Variants in RBM20 observed in about 807,000 individuals in gnomAD.
RBM20 encodes RNA-binding protein 20.
In RBM20, 51 loss-of-function variants were observed where a neutral mutation model predicts 110.1. That is an observed-to-expected ratio of 0.46 (90% CI 0.37 to 0.59). The LOEUF (loss-of-function observed/expected upper bound fraction) is 0.59. Ranked by LOEUF, RBM20 falls within the 20% of genes least tolerant of loss-of-function variation. RBM20 has a pLI of 0.00. For synonymous variants in RBM20, 589 were observed against 618.2 expected, an observed-to-expected ratio of 0.95 and a Z score of 0.70; for missense variants, 1,512 against 1,574.9, an observed-to-expected ratio of 0.96 and a Z score of 0.68.
chr10:110,765,731 T>A (rs1456503550), intron 1 of RBM20, among the ~76,000 whole-genome samples: 2 of 152,172 alleles, frequency 1.3e-5, no homozygotes, highest in East Asian at 1.9e-4. Context: ...TCCATACTCA[T>A]AAAACGGCAT....
chr10:110,826,138 G>A (rs557297966), intron 12 of RBM20, among the ~76,000 whole-genome samples: 3 of 152,220 alleles, frequency 2.0e-5, no homozygotes, highest in South Asian at 2.1e-4. Context: ...TTTTCCCTGC[G>A]ACCTTGAGTG....
chr10:110,739,636 C>T lies in RBM20; in HGVS notation c.192-41165C>T, dbSNP rs1843705062. Among the ~76,000 whole-genome samples, 1 of 152,148 alleles carries T rather than the reference C, an allele frequency of 6.6e-6. No homozygotes were observed. The highest frequency in any genetic ancestry group is 6.5e-5 in the Admixed American group (1 of 15,274). On this transcript the variant is annotated intron_variant, in intron 1 of 13. Transcript: ENST00000369519. This position sits in a 1 kb window ranked among gnomAD's most constrained non-coding sequence, Gnocchi z 4.1. Reference sequence around the variant, plus strand: ...GACGTGGTGGTGGAAGGCAGAGTGGCAGGGGAAAGAGCACCAGCATCAATG... The same window carrying T: ...GACGTGGTGGTGGAAGGCAGAGTGGTAGGGGAAAGAGCACCAGCATCAATG...
chr10:110,830,650 C>A (rs1480419895), intron 12 of RBM20, among the ~76,000 whole-genome samples: 2 of 152,042 alleles, frequency 1.3e-5, no homozygotes, highest in African/African-American at 2.4e-5. Flanking sequence ...CGAGAGAATT[C>A]TTCGAGAGTC....
chr10:110,789,020 T>C (rs950745697), intron 5 of RBM20, among the ~76,000 whole-genome samples: 6 of 152,252 alleles, frequency 3.9e-5, no homozygotes, highest in Non-Finnish European at 7.3e-5. Flanking sequence ...GATCCCATTT[T>C]CCTCCACAAG....
At position 110,745,047 on chromosome 10, in the gene RBM20, C is replaced by T. The variant is rs561739482; in HGVS notation, c.192-35754C>T. Among the ~76,000 whole-genome samples the T allele has an allele frequency of 3.3e-4, 51 of 152,340 alleles. 1 individual carries two copies. In the South Asian group the frequency reaches 1.0e-2, roughly 30 times the overall value. On this transcript the variant is annotated intron_variant, in intron 1 of 13. Coordinates refer to ENST00000369519, the MANE Select transcript of RBM20 (RefSeq NM_001134363.3). ...CTTTCTTATGCACTGTCACTCTCCT[C>T]GTGGTTACTGTTGTTTGGGTCAATG...
In RBM20 at chr10:110,835,910, G is replaced by A. The variant is rs757389650; in HGVS notation, c.3616G>A (p.Glu1206Lys). 64 of 1,540,606 alleles carry A rather than the reference G, an allele frequency of 4.2e-5. No homozygotes were observed. The highest frequency in any genetic ancestry group is 1.9e-4 in the African/African-American group (14 of 72,748). Residue 1206 changes from glutamate to lysine, a missense_variant, in exon 14 of 14, where the codon GAG becomes AAG. By Grantham distance (56) the Glu-to-Lys change is moderately conservative. Transcript: ENST00000369519. ...GGCCGAGGAGGGCCTCAAGGAGACC[G>A]AGGGGGCAGATAGCCCGAGGCCAGA... is the stretch of plus-strand genomic sequence containing the variant. The part of the protein sequence containing the change: ...QLAEEGLKET[E>K]GADSPRPEDS...
Position 110,821,888 on chromosome 10 carries a change from T to A in RBM20, c.3269T>A (p.Ile1090Asn), listed in dbSNP as rs1316833587. 1.3e-6 allele frequency: 2 copies of A among 1,551,436 alleles called. No homozygotes were observed. The highest frequency in any genetic ancestry group is 2.7e-5 in the African/African-American group (2 of 72,986). Residue 1090 changes from isoleucine to asparagine, a missense_variant, in exon 11 of 14, where the codon ATC becomes AAC. Ile to Asn is a moderately radical substitution (Grantham distance 149). Transcript: ENST00000369519. The stretch of plus-strand genomic sequence containing the variant: ...CTGGAGGAGAAAGCCAGCCCCCCCA[T>A]CGAAACTGACCTCCAAAACCAAGCT... ...SPLEEKASPP[I>N]ETDLQNQACQ...
At chr10:110,724,404 T>C (rs1843540244) in intron 1 of RBM20, among the ~76,000 whole-genome samples, 1 of 152,192 alleles carries the variant, frequency 6.6e-6, no homozygotes, top group Non-Finnish European at 1.5e-5. Flanking sequence ...GTGACTTCTT[T>C]GTTGAGAGAG....
At chr10:110,717,097 G>T (rs1381429789) in intron 1 of RBM20, among the ~76,000 whole-genome samples, 2 of 152,022 alleles carry the variant, frequency 1.3e-5, no homozygotes, top group African/African-American at 2.4e-5. Context: ...CTTGTGACAG[G>T]CCCCAGCACT....
chr10:110,765,619 A>G (rs1844069697), intron 1 of RBM20, among the ~76,000 whole-genome samples: 1 of 152,218 alleles, frequency 6.6e-6, no homozygotes, highest in Non-Finnish European at 1.5e-5. Flanking sequence ...AGCACAACCA[A>G]ACATGACTCA....
chr10:110,668,954 A>G (rs1174107273), intron 1 of RBM20, among the ~76,000 whole-genome samples: 1 of 151,450 alleles, frequency 6.6e-6, no homozygotes, highest in African/African-American at 2.4e-5. Context: ...TTTTGTTTGA[A>G]AAGTGACTTT....
intron 1 of RBM20, among the ~76,000 whole-genome samples, chr10:110,674,377 C>T (rs191599440): frequency 2.6e-5 from 4 of 152,250 alleles, no homozygotes; most frequent in Admixed American, 2.6e-4. Context: ...CTGTTTTTGC[C>T]CCACTACTTT....
intron 5 of RBM20, among the ~76,000 whole-genome samples, chr10:110,793,995 G>A (rs1273452674): frequency 6.6e-6 from 1 of 152,164 alleles, no homozygotes. Flanking sequence ...GCATGGTGAC[G>A]CTTGCTCAAG....
In RBM20 at chr10:110,836,014, G is replaced by C; in HGVS notation, c.*36G>C. On this transcript the variant is annotated 3_prime_UTR_variant, in exon 14 of 14. Transcript: ENST00000369519. ...TCTGCTGCTACTGCTGCTGCTGCAAGGTTGGAAAGGAGAGCTTGCTGAAGT... is the reference window on the plus strand; with the variant it reads ...TCTGCTGCTACTGCTGCTGCTGCAACGTTGGAAAGGAGAGCTTGCTGAAGT... 1 of 847,430 alleles carries C rather than the reference G, an allele frequency of 1.2e-6. No individual in the cohort carries two copies. The highest frequency in any genetic ancestry group is 1.9e-6 in the Non-Finnish European group (1 of 528,744). 52.5% of individuals were successfully genotyped at this position (847,430 alleles called of 1,614,324 possible).
At chr10:110,714,125 G>A (rs1862981347) in intron 1 of RBM20, among the ~76,000 whole-genome samples, 1 of 152,140 alleles carries the variant, frequency 6.6e-6, no homozygotes, top group Non-Finnish European at 1.5e-5. Context: ...TTTGGGACAT[G>A]CTAAGCCTCC....
At chr10:110,815,847 C>T (rs1844830923) in intron 9 of RBM20, among the ~76,000 whole-genome samples, 1 of 152,188 alleles carries the variant, frequency 6.6e-6, no homozygotes, top group Admixed American at 6.5e-5. Flanking sequence ...TTGGTTCTGC[C>T]TCTTACAACC....
At chr10:110,763,751 C>CT (rs56845100) in intron 1 of RBM20, among the ~76,000 whole-genome samples, 10,553 of 64,764 alleles carry the variant, frequency 0.16, 551 homozygotes, top group Non-Finnish European at 0.21. Flanking sequence ...GGCTTCTTGG[C>CT]TTTTTTTTTT....
chr10:110,802,383 C>CTTT lies in RBM20; in HGVS notation c.1800+2481_1800+2483dup, dbSNP rs200758964. Among the ~76,000 whole-genome samples, 11 of 135,224 alleles carry CTTT rather than the reference C, an allele frequency of 8.1e-5. No individual in the cohort carries two copies. In the South Asian group the frequency reaches 1.2e-3, roughly 15 times the overall value. The allele number at this position is 135,224 out of a possible 152,430, so 88.7% of individuals were successfully genotyped here. On this transcript the variant is annotated intron_variant, in intron 7 of 13. Transcript: ENST00000369519. ...CAGTTCTCCTTCAGGCAGAACCTGG[C>CTTT]TTTTTTTTTTTTTTTTTTCCTAATA...
At chr10:110,656,616 C>G (rs1449533405) in intron 1 of RBM20, among the ~76,000 whole-genome samples, 1 of 152,226 alleles carries the variant, frequency 6.6e-6, no homozygotes, top group Admixed American at 6.5e-5. Flanking sequence ...ACCTACTAAG[C>G]AGTTGCTTCC....
Sources: allele counts gnomAD v4.1 joint callset (sites outside exome capture counted in the v4.1 genomes callset), GRCh38; gene constraint gnomAD v4.1.1; non-coding constraint Gnocchi (gnomAD v3.1); transcripts MANE v1.5; gene names NCBI Gene and HGNC (gene_info 2026-07-23, HGNC 2026-07-21).